DPP10: variants seen among roughly 807,000 people sequenced by gnomAD.
DPP10 encodes the protein inactive dipeptidyl peptidase 10.
A neutral mutation model predicts 120.9 loss-of-function variants in DPP10; 33 were observed. That is an observed-to-expected ratio of 0.27 (90% CI 0.21 to 0.37). The LOEUF is 0.37. Among genes scored for constraint, DPP10 ranks in the 10% least tolerant of loss-of-function variants. The probability of loss-of-function intolerance (pLI) is 1.00; values close to 1 mark genes in which losing one functional copy is unlikely to be tolerated. For missense variants in DPP10, 816 were observed against 942.8 expected (o/e 0.87, Z 1.76); for synonymous variants, 337 against 326.1 (o/e 1.03, Z -0.36).
chr2:114,950,568 T>C (rs1453734224), intron 1 of DPP10, among the ~76,000 whole-genome samples: 4 of 148,292 alleles, frequency 2.7e-5, no homozygotes, highest in South Asian at 4.2e-4. Flanking sequence ...TCTCTCAAGA[T>C]TTTTTTTTTA....
intron 7 of DPP10, among the ~76,000 whole-genome samples, chr2:115,718,466 C>CAA (rs2092560957): frequency 6.6e-6 from 1 of 152,144 alleles, no homozygotes; most frequent in Non-Finnish European, 1.5e-5. Context: ...GCTGTCATTT[C>CAA]ATTCACTATT....
At chr2:114,817,146 C>A (rs1298814649) in intron 1 of DPP10, among the ~76,000 whole-genome samples, 1 of 152,168 alleles carries the variant, frequency 6.6e-6, no homozygotes. Context: ...TCAGCATTCT[C>A]AATCAAATGC....
chr2:115,131,254 C>A (rs925052808), intron 1 of DPP10, among the ~76,000 whole-genome samples: 1 of 152,232 alleles, frequency 6.6e-6, no homozygotes, highest in African/African-American at 2.4e-5. Flanking sequence ...ATGGCTCATG[C>A]CTGTAATCCC....
In DPP10 at chr2:115,740,032, G is replaced by A. The variant is rs771959787; in HGVS notation, c.852+139G>A. On this transcript the variant is annotated intron_variant, in intron 9 of 25. Coordinates refer to ENST00000410059, the MANE Select transcript of DPP10 (RefSeq NM_020868.6). ...CTTACTTGTCAGACTCATCACTTTC[G>A]ATCTCCCAGTAGTCTATACACAGTG... The A allele has an allele frequency of 1.5e-5, 13 of 883,418 alleles. No homozygotes were observed. In the East Asian group the frequency reaches 1.8e-4, roughly 12 times the overall value. 54.7% of individuals were successfully genotyped at this position (883,418 alleles called of 1,614,324 possible).
chr2:114,621,630 G>C (rs973071022), intron 1 of DPP10, among the ~76,000 whole-genome samples: 1 of 151,876 alleles, frequency 6.6e-6, no homozygotes, highest in Non-Finnish European at 1.5e-5. Context: ...AGTTAAAAGG[G>C]ATCTTCAAAA....
intron 7 of DPP10, among the ~76,000 whole-genome samples, chr2:115,699,825 A>G (rs542025031): frequency 6.6e-5 from 10 of 152,240 alleles, no homozygotes; most frequent in South Asian, 2.1e-4. Flanking sequence ...AGATTATACA[A>G]CATAGCTAAC....
intron 1 of DPP10, among the ~76,000 whole-genome samples, chr2:114,888,619 G>C (rs1195289122): frequency 6.6e-6 from 1 of 152,190 alleles, no homozygotes; most frequent in Non-Finnish European, 1.5e-5. Flanking sequence ...TGAAGTTTGG[G>C]TTAAAGATGG....
At chr2:114,925,363 G>A (rs970987799) in intron 1 of DPP10, among the ~76,000 whole-genome samples, 2 of 152,168 alleles carry the variant, frequency 1.3e-5, no homozygotes, top group African/African-American at 4.8e-5. Flanking sequence ...AGTTGTGGAA[G>A]GCAGAAGGGA....
intron 1 of DPP10, among the ~76,000 whole-genome samples, chr2:114,494,120 AAC>A (rs1491193344): frequency 4.7e-5 from 7 of 150,440 alleles, no homozygotes; most frequent in Admixed American, 1.3e-4. Context: ...AAAAAAAAAA[AAC>A]CCAGCAAATT....
chr2:115,350,891 T>C lies in DPP10; in HGVS notation c.271+6979T>C, dbSNP rs909385496. Reference sequence around the variant, plus strand: ...AAAATAACAAATGTTGATGAGGCTGTGGAGAAAAGAGAATGCCTATATGGT... The same window carrying C: ...AAAATAACAAATGTTGATGAGGCTGCGGAGAAAAGAGAATGCCTATATGGT... On this transcript the variant is annotated intron_variant, in intron 3 of 25. Coordinates refer to ENST00000410059, the MANE Select transcript of DPP10 (RefSeq NM_020868.6). Among the ~76,000 whole-genome samples, 11 of 152,264 alleles carry C rather than the reference T, an allele frequency of 7.2e-5. No individual in the cohort carries two copies. In the South Asian group the frequency reaches 2.1e-3, roughly 29 times the overall value.
At chr2:115,551,571 G>C (rs536539193) in intron 5 of DPP10, among the ~76,000 whole-genome samples, 1 of 152,070 alleles carries the variant, frequency 6.6e-6, no homozygotes, top group Non-Finnish European at 1.5e-5. Context: ...TGCTCATGTT[G>C]ATTTTTCTTA....
chr2:114,563,579 A>G (rs2104959691), intron 1 of DPP10, among the ~76,000 whole-genome samples: 1 of 152,314 alleles, frequency 6.6e-6, no homozygotes, highest in African/African-American at 2.4e-5. Flanking sequence ...AGCACATGTA[A>G]ACAATATTCT....
chr2:115,175,912 C>A (rs2053654861), intron 1 of DPP10, among the ~76,000 whole-genome samples: 1 of 152,192 alleles, frequency 6.6e-6, no homozygotes, highest in Non-Finnish European at 1.5e-5. Context: ...GGGTATGAAT[C>A]ACTTGGGGAT....
intron 5 of DPP10, among the ~76,000 whole-genome samples, chr2:115,574,971 G>C (rs1184056909): frequency 6.6e-6 from 1 of 152,202 alleles, no homozygotes; most frequent in East Asian, 1.9e-4. Context: ...TGTAGAATAA[G>C]TGGGACTCCT....
intron 1 of DPP10, chr2:115,234,100 TC>T: frequency 2.9e-6 from 1 of 350,682 alleles, no homozygotes; most frequent in South Asian, 2.1e-5. Context: ...TCCCTCAAAT[TC>T]ACTTATTCCC....
intron 1 of DPP10, among the ~76,000 whole-genome samples, chr2:114,597,901 A>G (rs1157907324): frequency 6.6e-6 from 1 of 151,846 alleles, no homozygotes; most frequent in Non-Finnish European, 1.5e-5. Context: ...TCCCACCATC[A>G]TTTTTGACCA....
intron 1 of DPP10, among the ~76,000 whole-genome samples, chr2:114,683,582 CTTTT>C (rs1243230838): frequency 1.8e-5 from 2 of 108,250 alleles, no homozygotes. Flanking sequence ...CTCTCTCTCT[CTTTT>C]TCTTTTTTTC....
Position 114,586,128 on chromosome 2 carries a change from G to A in DPP10, c.60+143290G>A, listed in dbSNP as rs562021911. Among the ~76,000 whole-genome samples, 3 of 152,234 alleles carry A rather than the reference G, an allele frequency of 2.0e-5. No individual in the cohort carries two copies. The South Asian group carries it at 6.2e-4, about 32-fold the overall frequency. On this transcript the variant is annotated intron_variant, in intron 1 of 25. Coordinates refer to ENST00000410059, the MANE Select transcript of DPP10 (RefSeq NM_020868.6). ...TAGCTGGGTATCATGGTGAGCACCT[G>A]TAGTCCCAGCTACTTAGTAGGCTGA...
chr2:115,718,379 A>G (rs2092557765), intron 7 of DPP10, among the ~76,000 whole-genome samples: 1 of 152,188 alleles, frequency 6.6e-6, no homozygotes, highest in Non-Finnish European at 1.5e-5. Context: ...CACTGTCAGG[A>G]TGAGATCTCA....
Sources: gnomAD v4.1 joint callset for allele counts (sites outside exome capture counted in the v4.1 genomes callset) on GRCh38, gnomAD v4.1.1 for gene constraint, MANE v1.5 for transcripts, NCBI Gene and HGNC (gene_info 2026-07-23, HGNC 2026-07-21) for gene names.